CEP112: variants seen among roughly 807,000 people sequenced by gnomAD.
CEP112 encodes centrosomal protein of 112 kDa.
In CEP112, 127 loss-of-function variants were observed where a neutral mutation model predicts 153.0. The observed-to-expected ratio is 0.83, with a 90% confidence interval of 0.72 to 0.96. The LOEUF (loss-of-function observed/expected upper bound fraction) is 0.96, where lower values mean the gene tolerates loss of function less well. Among genes scored for constraint, CEP112 ranks in the 40% least tolerant of loss-of-function variants. CEP112 has a pLI of 0.00. For missense variants in CEP112, 1,089 were observed against 1,101.2 expected (o/e 0.99, Z 0.16); for synonymous variants, 358 against 374.4 (o/e 0.96, Z 0.51).
intron 4 of CEP112, among the ~76,000 whole-genome samples, chr17:66,143,985 T>C (rs1293608520): frequency 6.6e-6 from 1 of 152,210 alleles, no homozygotes; most frequent in African/African-American, 2.4e-5. Flanking sequence ...CTCACCATTG[T>C]TGGCTGTGTA....
intron 17 of CEP112, among the ~76,000 whole-genome samples, chr17:65,984,940 G>GGT (rs2063349247): frequency 6.6e-6 from 1 of 152,134 alleles, no homozygotes; most frequent in Non-Finnish European, 1.5e-5. Flanking sequence ...AGAAGAAAAT[G>GGT]TCCTGAGGAA....
intron 6 of CEP112, among the ~76,000 whole-genome samples, chr17:66,114,970 C>A (rs944298700): frequency 1.3e-5 from 2 of 151,974 alleles, no homozygotes; most frequent in African/African-American, 4.8e-5. Flanking sequence ...TTTAGGAGGC[C>A]GAGGCAGATG....
chr17:65,665,692 T>A (rs2046657223), intron 24 of CEP112, among the ~76,000 whole-genome samples: 1 of 152,204 alleles, frequency 6.6e-6, no homozygotes, highest in South Asian at 2.1e-4. Context: ...TTTGAGCTAT[T>A]GGATTAAGCC....
chr17:65,974,536 A>C (rs919454278), intron 17 of CEP112, among the ~76,000 whole-genome samples: 1 of 152,226 alleles, frequency 6.6e-6, no homozygotes, highest in African/African-American at 2.4e-5. Context: ...CAAACAATAC[A>C]AAAATTCATA....
intron 18 of CEP112, among the ~76,000 whole-genome samples, chr17:65,954,136 T>C (rs1311413662): frequency 6.6e-6 from 1 of 152,192 alleles, no homozygotes; most frequent in Admixed American, 6.5e-5. Context: ...CAGGTCCTGG[T>C]ATCCATGGCT....
intron 20 of CEP112, among the ~76,000 whole-genome samples, chr17:65,888,885 C>T (rs1347811613): frequency 6.6e-6 from 1 of 152,148 alleles, no homozygotes; most frequent in Non-Finnish European, 1.5e-5. Flanking sequence ...GATATGTTCT[C>T]CCGCTGATCA....
intron 8 of CEP112, among the ~76,000 whole-genome samples, chr17:66,087,642 T>C (rs928736106): frequency 1.3e-5 from 2 of 152,106 alleles, no homozygotes; most frequent in African/African-American, 4.8e-5. Flanking sequence ...AACATAAACA[T>C]GCACAAAAAT....
rs769257467 is a variant in CEP112 at position 66,096,278 on chromosome 17, A to G, written c.741T>C (p.His247=). 1.9e-6 allele frequency: 3 copies of G among 1,613,214 alleles called. No homozygotes were observed. Among genetic ancestry groups the G allele is most frequent in the Non-Finnish European group, 2.5e-6 (3 of 1,179,500 alleles). ...CTTTCTCACGTATTCGAGAGAGAAA[A>G]TGATCATCATGGAAACTGCTGGATT... ...LRKSSSFHDD[H]FLSRIREKEL... is the part of the protein sequence containing the mutation. The change falls in exon 8 of 27, where the codon CAT becomes CAC. Residue 247 remains histidine (H), a synonymous_variant. Coordinates refer to ENST00000535342, the MANE Select transcript of CEP112 (RefSeq NM_001199165.4).
chr17:65,660,330 C>T (rs1344820681), intron 24 of CEP112, among the ~76,000 whole-genome samples: 1 of 98,574 alleles, frequency 1.0e-5, no homozygotes, highest in Non-Finnish European at 1.9e-5. Context: ...CTTTCTTTCT[C>T]TTTCTTTCTT....
intron 2 of CEP112, among the ~76,000 whole-genome samples, chr17:66,179,904 G>A (rs971156124): frequency 2.0e-5 from 3 of 152,088 alleles, no homozygotes; most frequent in African/African-American, 7.2e-5. Flanking sequence ...ATAAAGGGAT[G>A]TTGAATTTTA....
chr17:65,726,266 G>A (rs1464219162), intron 23 of CEP112, among the ~76,000 whole-genome samples: 3 of 152,004 alleles, frequency 2.0e-5, no homozygotes, highest in African/African-American at 7.3e-5. Flanking sequence ...TTGAACCCGG[G>A]AGGCAGAGGT....
At chr17:65,737,650 T>C (rs1187558927) in intron 23 of CEP112, among the ~76,000 whole-genome samples, 3 of 152,220 alleles carry the variant, frequency 2.0e-5, no homozygotes, top group East Asian at 1.9e-4. Flanking sequence ...GCCAGATGCA[T>C]GCTGGCTTGT....
intron 21 of CEP112, among the ~76,000 whole-genome samples, chr17:65,821,535 TA>T (rs1401490850): frequency 0.018 from 661 of 36,242 alleles, 19 homozygotes; most frequent in African/African-American, 0.04. Flanking sequence ...TATATATATA[TA>T]TATATTTTTT....
chr17:66,166,148 T>A (rs1296282899), intron 4 of CEP112, among the ~76,000 whole-genome samples: 2 of 152,142 alleles, frequency 1.3e-5, no homozygotes, highest in East Asian at 3.8e-4. Context: ...TAATAATAAT[T>A]ATTTGCACTC....
At chr17:65,869,435 C>T (rs889970772) in intron 20 of CEP112, among the ~76,000 whole-genome samples, 1 of 152,010 alleles carries the variant, frequency 6.6e-6, no homozygotes, top group African/African-American at 2.4e-5. Context: ...TTAAATTCAC[C>T]CAAACTCCAA....
chr17:66,156,138 G>C (rs528457797), intron 4 of CEP112, among the ~76,000 whole-genome samples: 1 of 152,100 alleles, frequency 6.6e-6, no homozygotes, highest in Non-Finnish European at 1.5e-5. Context: ...GGAGAGCTCC[G>C]GCTGGCATCT....
chr17:65,670,036 C>A (rs1350767298), intron 24 of CEP112, among the ~76,000 whole-genome samples: 1 of 152,036 alleles, frequency 6.6e-6, no homozygotes, highest in East Asian at 1.9e-4. Context: ...ATCTTACAGT[C>A]GAAGGCTAAT....
chr17:65,658,668 A>C (rs2046185626), intron 24 of CEP112, among the ~76,000 whole-genome samples: 1 of 152,144 alleles, frequency 6.6e-6, no homozygotes, highest in Non-Finnish European at 1.5e-5. Flanking sequence ...CAAGAATCAC[A>C]GGCCAGAAGA....
chr17:65,777,050 C>T (rs2053720526), intron 21 of CEP112, among the ~76,000 whole-genome samples: 1 of 152,184 alleles, frequency 6.6e-6, no homozygotes, highest in Non-Finnish European at 1.5e-5. Flanking sequence ...ATAAAGACTA[C>T]ATTTTCCAGC....
Sources: allele counts gnomAD v4.1 joint callset (sites outside exome capture counted in the v4.1 genomes callset), GRCh38; gene constraint gnomAD v4.1.1; transcripts MANE v1.5; gene names NCBI Gene and HGNC (gene_info 2026-07-23, HGNC 2026-07-21).